The following GET1 variants were observed in gnomAD, a reference collection of about 807,000 sequenced individuals.
GET1 encodes congenital heart disease 5 protein.
In GET1, 20 loss-of-function variants were observed where a neutral mutation model predicts 22.6. The observed-to-expected ratio is 0.89, with a 90% CI of 0.62 to 1.29. The LOEUF (loss-of-function observed/expected upper bound fraction) is 1.29. GET1 is among the 50% of genes most tolerant of loss of function. The pLI, the probability that GET1 is intolerant of heterozygous loss-of-function variation, is 0.00. For missense variants in GET1, 209 were observed against 219.9 expected (o/e 0.95, Z 0.31); for synonymous variants, 92 against 83.8 (o/e 1.10, Z -0.53).
chr21:39,387,357 G>A (rs1414507622), intron 1 of GET1, among the ~76,000 whole-genome samples: 1 of 152,048 alleles, frequency 6.6e-6, no homozygotes, highest in East Asian at 1.9e-4. Context: ...TTAAAATATG[G>A]TTTTAAAAGT....
At chr21:39,406,976 C>T (rs148146646), downstream of GET1, among the ~76,000 whole-genome samples, 58 of 152,272 alleles carry the variant, frequency 3.8e-4, no homozygotes, top group African/African-American at 1.3e-3. Context: ...CCTGTAATTC[C>T]GGCACTTTGG....
rs201924303 is a variant in GET1 at position 39,423,181 on chromosome 21, C to G, written c.*24-5051C>G. 8.6e-5 allele frequency: 139 copies of G among 1,613,188 alleles called. No homozygotes were observed. The highest frequency in any genetic ancestry group is 1.6e-4 in the Middle Eastern group (1 of 6,062). Reference sequence around the variant, plus strand: ...TTCCTGGGATTTCCTAAGTAGTTGCCTTAAATTTTTTACTTCATTCTGATG... The same window carrying G: ...TTCCTGGGATTTCCTAAGTAGTTGCGTTAAATTTTTTACTTCATTCTGATG... On this transcript the variant is annotated intron_variant, in intron 1 of 1. Transcript: ENST00000478273.
chr21:39,420,521 T>C (rs1156958541), intron 1 of GET1, among the ~76,000 whole-genome samples: 2 of 4,286 alleles, frequency 4.7e-4, no homozygotes, highest in Non-Finnish European at 8.3e-4. Flanking sequence ...AGATTCTATC[T>C]CAAAAAAAAA....
At chr21:39,399,010 G>C (rs1378309595), downstream of GET1, among the ~76,000 whole-genome samples, 1 of 152,258 alleles carries the variant, frequency 6.6e-6, no homozygotes, top group African/African-American at 2.4e-5. Flanking sequence ...AAAGTGCTGG[G>C]ATTACAGGCG....
chr21:39,388,954 C>T (rs2038111455), intron 1 of GET1, among the ~76,000 whole-genome samples: 1 of 152,190 alleles, frequency 6.6e-6, no homozygotes, highest in Admixed American at 6.5e-5. Flanking sequence ...GAGCGTGCTT[C>T]TTTGTTTATG....
intron 2 of GET1, 161 bp downstream of exon 2, chr21:39,391,024 T>G (rs2038263713): frequency 1.4e-6 from 1 of 705,674 alleles, no homozygotes; most frequent in Admixed American, 3.1e-5. Context: ...ATTACTTTCC[T>G]CTTATTTGCT....
intron 1 of GET1, among the ~76,000 whole-genome samples, chr21:39,388,702 G>A (rs1055089149): frequency 6.6e-6 from 1 of 152,172 alleles, no homozygotes. Context: ...GTCTTGGGGC[G>A]CCCGCGCAGT....
intron 1 of GET1, among the ~76,000 whole-genome samples, chr21:39,388,341 C>T (rs1478028130): frequency 6.6e-6 from 1 of 152,176 alleles, no homozygotes; most frequent in East Asian, 1.9e-4. Flanking sequence ...GCGTCAAGTA[C>T]GTTACCACGA....
chr21:39,414,732 C>CTGTGTGTGTGTGTGTGTGTGTGTG (rs1464601997), intron 1 of GET1, among the ~76,000 whole-genome samples: 1 of 110,396 alleles, frequency 9.1e-6, no homozygotes, highest in African/African-American at 3.9e-5. Flanking sequence ...CTCTCTCTCT[C>CTGTGTGTGTGTGTGTGTGTGTGTG]TCTCTCTCTC....
downstream of GET1, chr21:39,410,465 A>T (rs2039893916): frequency 1.6e-6 from 1 of 614,048 alleles, no homozygotes; most frequent in African/African-American, 1.9e-5. Flanking sequence ...GTAATAATAA[A>T]GTATACTAAG....
Position 39,396,887 on chromosome 21 carries a change from G to T in GET1, c.473G>T (p.Trp158Leu). 1 of 1,613,916 alleles carries T rather than the reference G, an allele frequency of 6.2e-7. No homozygotes were observed. Among genetic ancestry groups the T allele is most frequent in the Non-Finnish European group, 8.5e-7 (1 of 1,180,016 alleles). The change falls in exon 5 of 5, where the codon TGG (tryptophan) becomes TTG (leucine). Residue 158 changes from tryptophan (W) to leucine (L), a missense_variant. Coordinates refer to ENST00000649170, the MANE Select transcript of GET1 (RefSeq NM_004627.6). ...TCAGGTGGTGTTGGAATTACCTGTT[G>T]GATTTTAGTCTGTAACAAAGTTGTC... is the stretch of plus-strand genomic sequence containing the variant. ...RVAGGVGITC[W>L]ILVCNKVVAI... is the part of the protein sequence containing the mutation.
chr21:39,402,270 A>G (rs1276079672), downstream of GET1, among the ~76,000 whole-genome samples: 2 of 151,954 alleles, frequency 1.3e-5, no homozygotes, highest in Non-Finnish European at 1.5e-5. Context: ...CACCTGGCTA[A>G]TACTTGTATT....
chr21:39,386,496 T>C (rs1350363923), intron 1 of GET1: 2 of 152,330 alleles, frequency 1.3e-5, no homozygotes, highest in African/African-American at 2.4e-5. Context: ...AGCTGCCCGC[T>C]TCTCCGCCCT....
intron 1 of GET1, chr21:39,428,029 A>C (rs2837028): frequency 0.75 from 439,324 of 586,796 alleles, 165,445 homozygotes; most frequent in African/African-American, 0.84. Context: ...TTCCTAATTT[A>C]TTCTATAAAA....
chr21:39,383,689 CT>C (rs2037709077), intron 1 of GET1, among the ~76,000 whole-genome samples: 1 of 148,624 alleles, frequency 6.7e-6, no homozygotes, highest in Non-Finnish European at 1.5e-5. Context: ...AGCAATTCTT[CT>C]GTCTCAGCCT....
downstream of GET1, among the ~76,000 whole-genome samples, chr21:39,401,934 TG>T (rs2038850058): frequency 6.6e-6 from 1 of 152,114 alleles, no homozygotes; most frequent in Non-Finnish European, 1.5e-5. Flanking sequence ...ACCACTGACT[TG>T]GCCATTCCCG....
chr21:39,383,165 A>G (rs912323932), intron 1 of GET1, among the ~76,000 whole-genome samples: 3 of 152,032 alleles, frequency 2.0e-5, no homozygotes, highest in African/African-American at 4.8e-5. Flanking sequence ...CGAATTAGCC[A>G]GGATGGTCTC....
At chr21:39,393,969 G>T (rs930969602) in intron 4 of GET1, among the ~76,000 whole-genome samples, 4 of 152,006 alleles carry the variant, frequency 2.6e-5, no homozygotes, top group Admixed American at 6.6e-5. Flanking sequence ...TATTTTTGAA[G>T]ATAAATTTTT....
rs1193428906 is a variant in GET1, at chr21:39,380,360, C to T, written c.-25C>T. On this transcript the variant is annotated 5_prime_UTR_variant, in exon 1 of 5. Transcript: ENST00000649170. ...GTCCCCATGGAGCTGCCGTAGCGGA[C>T]CCAGCACAGCCAGGAGCGTCCGGGA... The T allele has an allele frequency of 6.3e-6, 10 of 1,581,052 alleles. No individual in the cohort carries two copies. Among genetic ancestry groups the T allele is most frequent in the African/African-American group, 2.7e-5 (2 of 74,208 alleles).
Sources: gnomAD v4.1 joint callset for allele counts (sites outside exome capture counted in the v4.1 genomes callset) on GRCh38, gnomAD v4.1.1 for gene constraint, MANE v1.5 for transcripts, NCBI Gene and HGNC (gene_info 2026-07-23, HGNC 2026-07-21) for gene names.